Variants in FBXO31 observed in about 807,000 individuals in gnomAD.
The protein encoded by FBXO31 is F-box protein 31, also known as F-box only protein 31.
A neutral mutation model predicts 54.4 loss-of-function variants in FBXO31; 24 were observed. That is an observed-to-expected ratio of 0.44 (90% CI 0.32 to 0.62). The LOEUF (loss-of-function observed/expected upper bound fraction) is 0.62, where lower values mean the gene tolerates loss of function less well. FBXO31 is among the 20% of genes least tolerant of loss of function. The pLI, the probability that FBXO31 is intolerant of heterozygous loss-of-function variation, is 0.05. For missense variants in FBXO31, 665 were observed against 787.1 expected, an observed-to-expected ratio of 0.84 and a Z score of 1.86; for synonymous variants, 388 against 335.6, an observed-to-expected ratio of 1.16 and a Z score of -1.71.
chr16:87,358,717 C>T lies in FBXO31; in HGVS notation c.412+1578G>A, dbSNP rs996359515. Among the ~76,000 whole-genome samples, 2 of 152,156 alleles carry T rather than the reference C, an allele frequency of 1.3e-5. No individual in the cohort carries two copies. Among genetic ancestry groups the T allele is most frequent in the Non-Finnish European group, 2.9e-5 (2 of 68,036 alleles). ...CATCAGTGGTGCCACCAGAAACTCA[C>T]GGTGGCAGCAAGCTTGGAAATCCTT... On this transcript the variant is annotated intron_variant, in intron 2 of 8. Transcript: ENST00000311635. The surrounding 1 kb of genome is among the most constrained non-coding windows in gnomAD (Gnocchi z 4.0).
At chr16:87,389,163 A>G (rs1422611294) in intron 1 of FBXO31, among the ~76,000 whole-genome samples, 3 of 151,636 alleles carry the variant, frequency 2.0e-5, no homozygotes, top group East Asian at 3.9e-4. Flanking sequence ...TATACAATAG[A>G]TATATATTAT....
chr16:87,380,630 T>C lies in FBXO31; in HGVS notation c.340+2775A>G, dbSNP rs546685659. On this transcript the variant is annotated intron_variant, in intron 1 of 8. Transcript: ENST00000311635. ...CTTGAACTCCTGGGCTCAAGTGATC[T>C]GCCAGCCTTGGCCTGCCAAAGTGTG... 2.1e-3 allele frequency among the ~76,000 whole-genome samples: 313 copies of C among 152,296 alleles called. 1 individual carries two copies. Among genetic ancestry groups the C allele is most frequent in the African/African-American group, 7.1e-3 (297 of 41,580 alleles).
rs1394470211 is a variant in FBXO31 at position 87,372,731 on chromosome 16, CCTT to C, written c.340+10671_340+10673del. Among the ~76,000 whole-genome samples the C allele has an allele frequency of 3.9e-3, 579 of 146,746 alleles. 1 individual carries two copies. Among genetic ancestry groups the C allele is most frequent in the African/African-American group, 0.014 (544 of 38,222 alleles). ...GTGTGCCACCACACCTGGTTAATTTCCTTTTTTTTTTTTTTTTTTGAGACAGAG... is the reference window on the plus strand; with the variant it reads ...GTGTGCCACCACACCTGGTTAATTTCTTTTTTTTTTTTTTTTGAGACAGAG... On this transcript the variant is annotated intron_variant, in intron 1 of 8. Transcript: ENST00000311635.
At chr16:87,344,960 G>A (rs568693020) in intron 3 of FBXO31, among the ~76,000 whole-genome samples, 45 of 144,998 alleles carry the variant, frequency 3.1e-4, no homozygotes, top group African/African-American at 1.1e-3. Flanking sequence ...AACCCCACCT[G>A]GGGGCAGAGC....
At chr16:87,389,197 A>T (rs1352079297) in intron 1 of FBXO31, among the ~76,000 whole-genome samples, 1 of 152,114 alleles carries the variant, frequency 6.6e-6, no homozygotes, top group Non-Finnish European at 1.5e-5. Context: ...TTATTCTTAC[A>T]TGGGAATGAA....
chr16:87,357,966 G>A (rs912025349), intron 2 of FBXO31, among the ~76,000 whole-genome samples: 1 of 151,928 alleles, frequency 6.6e-6, no homozygotes, highest in Non-Finnish European at 1.5e-5. Context: ...TCTATTGAGG[G>A]TATATGCATA....
intron 5 of FBXO31, 139 bp downstream of exon 5, chr16:87,342,738 C>T: frequency 1.4e-6 from 1 of 693,444 alleles, no homozygotes; most frequent in South Asian, 2.2e-5. Context: ...TCTGCACTGA[C>T]AATACCGGCT....
upstream of FBXO31, among the ~76,000 whole-genome samples, chr16:87,390,487 CTGG>C (rs1300071328): frequency 1.3e-5 from 2 of 151,378 alleles, no homozygotes; most frequent in African/African-American, 4.9e-5. Context: ...TTCCCCCAGG[CTGG>C]AGTGCAGTGG....
At chr16:87,352,344 TAAG>T (rs1241990441) in intron 2 of FBXO31, among the ~76,000 whole-genome samples, 1 of 152,146 alleles carries the variant, frequency 6.6e-6, no homozygotes, top group Non-Finnish European at 1.5e-5. Context: ...AGAATGTGAA[TAAG>T]GACATCGCTA....
chr16:87,390,349 TG>T (rs1408320382), upstream of FBXO31, among the ~76,000 whole-genome samples: 1 of 152,182 alleles, frequency 6.6e-6, no homozygotes, highest in Non-Finnish European at 1.5e-5. Context: ...CTTCTGATGG[TG>T]GGAGTAAATT....
intron 1 of FBXO31, among the ~76,000 whole-genome samples, chr16:87,364,456 C>A (rs567859217): frequency 6.6e-6 from 1 of 152,206 alleles, no homozygotes; most frequent in Non-Finnish European, 1.5e-5. Context: ...TGGGCCAGTT[C>A]GCGCCGACTC....
rs1905384312 is a variant in FBXO31, at chr16:87,346,303, G to A, written c.489+871C>T. ...GACCAGGCCACGGCACCCAGCAAGT[G>A]CCCAGGCGCACAGTGAGGGGTGGGG... On this transcript the variant is annotated intron_variant, in intron 3 of 8. Transcript: ENST00000311635. The surrounding 1 kb of genome is among the most constrained non-coding windows in gnomAD (Gnocchi z 4.2). 6.6e-6 allele frequency among the ~76,000 whole-genome samples: 1 copy of A among 151,864 alleles called. No individual in the cohort carries two copies. Among genetic ancestry groups the A allele is most frequent in the Admixed American group, 6.6e-5 (1 of 15,260 alleles).
At chr16:87,365,008 T>TAA (rs1906292809) in intron 1 of FBXO31, among the ~76,000 whole-genome samples, 2 of 58,506 alleles carry the variant, frequency 3.4e-5, no homozygotes, top group African/African-American at 5.9e-5. Context: ...CCCCGTCTCT[T>TAA]AAATATATAT....
intron 1 of FBXO31, chr16:87,367,315 C>G (rs1906411561): frequency 6.6e-6 from 1 of 152,210 alleles, no homozygotes; most frequent in Admixed American, 6.5e-5. Context: ...CACTCACCCT[C>G]AGACCAGCTC....
intron 1 of FBXO31, among the ~76,000 whole-genome samples, chr16:87,360,832 G>A (rs763631844): frequency 9.2e-5 from 14 of 152,140 alleles, no homozygotes; most frequent in Non-Finnish European, 1.2e-4. Context: ...GCCAAGAGGG[G>A]ACCGTGCAAG....
chr16:87,374,302 C>T (rs1906730229), intron 1 of FBXO31, among the ~76,000 whole-genome samples: 1 of 151,628 alleles, frequency 6.6e-6, no homozygotes. Flanking sequence ...GACTACTTGA[C>T]TACCCCTAAC....
At chr16:87,342,785 T>C in intron 5 of FBXO31, 92 bp downstream of exon 5, 2 of 1,094,006 alleles carry the variant, frequency 1.8e-6, no homozygotes, top group Non-Finnish European at 2.6e-6. Flanking sequence ...GGTCGCATGC[T>C]GCTGACTTCT....
chr16:87,347,038 C>G (rs1466197590), intron 3 of FBXO31, 136 bp downstream of exon 3: 2 of 784,828 alleles, frequency 2.5e-6, no homozygotes, highest in South Asian at 2.9e-5. Flanking sequence ...AGTGACAGAG[C>G]AAGAATTTTT....
intron 1 of FBXO31, among the ~76,000 whole-genome samples, chr16:87,369,886 T>A (rs1235183872): frequency 6.6e-6 from 1 of 150,916 alleles, no homozygotes; most frequent in Admixed American, 6.6e-5. Flanking sequence ...AAAAAAAAAA[T>A]GCTATTTAAA....
Sources: gnomAD v4.1 joint callset for allele counts (sites outside exome capture counted in the v4.1 genomes callset) on GRCh38, gnomAD v4.1.1 for gene constraint, Gnocchi (gnomAD v3.1) non-coding constraint, MANE v1.5 for transcripts, NCBI Gene and HGNC (gene_info 2026-07-23, HGNC 2026-07-21) for gene names.